Variants in ZNFX1 observed in about 807,000 individuals in gnomAD.
ZNFX1 encodes NFX1-type zinc finger-containing protein 1.
ZNFX1 carries 78 observed loss-of-function variants against 179.8 expected under a neutral mutation model. The observed-to-expected ratio is 0.43, with a 90% CI of 0.36 to 0.52. The LOEUF (loss-of-function observed/expected upper bound fraction) is 0.52. ZNFX1 is among the 20% of genes least tolerant of loss of function. ZNFX1 has a pLI of 0.00. For missense variants in ZNFX1, 1,927 were observed against 2,386.6 expected, an observed-to-expected ratio of 0.81 and a Z score of 4.01; for synonymous variants, 848 against 868.5, an observed-to-expected ratio of 0.98 and a Z score of 0.42.
At chr20:49,263,240 A>G in intron 6 of ZNFX1, 94 bp downstream of exon 6, 1 of 1,455,258 alleles carries the variant, frequency 6.9e-7, no homozygotes. Context: ...TCAGATTATC[A>G]AACAGGTAAA....
chr20:49,254,725 C>A, intron 9 of ZNFX1, 76 bp from the exon 10 acceptor site: 2 of 1,518,494 alleles, frequency 1.3e-6, no homozygotes, highest in Non-Finnish European at 1.8e-6. Flanking sequence ...TCAGTGTGCC[C>A]AGTGTATGAA....
intron 8 of ZNFX1, among the ~76,000 whole-genome samples, chr20:49,256,372 T>C (rs191133319): frequency 1.8e-4 from 28 of 152,302 alleles, no homozygotes; most frequent in Admixed American, 3.9e-4. Flanking sequence ...ATGCATGCCA[T>C]GAAAGTCATG....
chr20:49,247,789 G>A lies in ZNFX1; in HGVS notation c.5235C>T (p.Arg1745=), dbSNP rs1451990900. 6.2e-7 allele frequency: 1 copy of A among 1,614,098 alleles called. No individual in the cohort carries two copies. The highest frequency in any genetic ancestry group is 8.5e-7 in the Non-Finnish European group (1 of 1,179,986). ...EQVHEWLAKK[R]LSFTSQELSD... ...TTAGTTCCTGGCTAGTGAAGCTCAA[G>A]CGCTTCTTGGCCAGCCACTCATGGA... The change falls in exon 14 of 14, where the codon CGC becomes CGT. Residue 1745 remains arginine (R), a synonymous_variant. Transcript: ENST00000396105.
chr20:49,272,201 G>A (rs1389183946), intron 2 of ZNFX1, among the ~76,000 whole-genome samples: 10 of 122,762 alleles, frequency 8.1e-5, no homozygotes, highest in Non-Finnish European at 1.8e-4. Context: ...TTTTTGAGAT[G>A]GAATCTTGCT....
At chr20:49,264,618 G>A in intron 5 of ZNFX1, 98 bp downstream of exon 5, 1 of 1,463,280 alleles carries the variant, frequency 6.8e-7, no homozygotes, top group African/African-American at 1.4e-5. Context: ...GCTTTGAGGA[G>A]CCTCCAAATC....
rs1254589714 is a variant in ZNFX1, at chr20:49,247,329, C to G, written c.5695G>C (p.Ala1899Pro). 3.1e-6 allele frequency: 5 copies of G among 1,613,988 alleles called. No individual in the cohort carries two copies. The highest frequency in any genetic ancestry group is 3.4e-6 in the Non-Finnish European group (4 of 1,179,978). Reference protein sequence around the residue: ...LASEMDGAQHAAWSDTANNLM... With the variant: ...LASEMDGAQHPAWSDTANNLM... ...TTGTTGGCCGTGTCAGACCAGGCAGCATGCTGGGCTCCATCCATTTCAGAA... is the reference window on the plus strand; with the variant it reads ...TTGTTGGCCGTGTCAGACCAGGCAGGATGCTGGGCTCCATCCATTTCAGAA... The change falls in exon 14 of 14, where the codon GCT (alanine) becomes CCT (proline). Residue 1899 changes from alanine to proline, a missense_variant. Physicochemically the swap from Ala to Pro is conservative, Grantham distance 27. Coordinates refer to ENST00000396105, the MANE Select transcript of ZNFX1 (RefSeq NM_021035.3).
intron 2 of ZNFX1, among the ~76,000 whole-genome samples, chr20:49,272,598 A>C (rs1381981920): frequency 1.3e-5 from 2 of 152,206 alleles, no homozygotes; most frequent in African/African-American, 4.8e-5. Context: ...TATCCTATTG[A>C]TTCTAAGGGG....
intron 11 of ZNFX1, 105 bp downstream of exon 11, chr20:49,253,561 G>A: frequency 7.3e-7 from 1 of 1,362,040 alleles, no homozygotes; most frequent in Non-Finnish European, 1.0e-6. Context: ...ATCACAAGAA[G>A]CTACTAATAA....
rs770551094 is a variant in ZNFX1 at position 49,248,783 on chromosome 20, A to G, written c.4241T>C (p.Val1414Ala). ...GAGGCCTTCCACATGACCACATTTT[A>G]CCGGTTGACTGTGCCCACACTTGAG... ...IKLKCGHSQPVKCGHVEGLLY... is the reference protein window; with the variant it reads ...IKLKCGHSQPAKCGHVEGLLY... Residue 1414 changes from valine to alanine, a missense_variant, in exon 14 of 14, where the codon GTA becomes GCA. Transcript: ENST00000396105. The surrounding 1 kb of genome is among the most constrained non-coding windows in gnomAD (Gnocchi z 4.6). 3.7e-6 allele frequency: 6 copies of G among 1,614,156 alleles called. No homozygotes were observed. Among genetic ancestry groups the G allele is most frequent in the Admixed American group, 1.7e-5 (1 of 60,020 alleles).
intron 6 of ZNFX1, among the ~76,000 whole-genome samples, 186 bp from the exon 7 acceptor site, chr20:49,260,763 G>A (rs1404037587): frequency 6.6e-6 from 1 of 152,112 alleles, no homozygotes; most frequent in Non-Finnish European, 1.5e-5. Flanking sequence ...GCAATACGGT[G>A]AGACCCTATG....
At chr20:49,254,975 ATTTAT>A (rs1199230266) in intron 9 of ZNFX1, among the ~76,000 whole-genome samples, 2 of 151,422 alleles carry the variant, frequency 1.3e-5, no homozygotes, top group East Asian at 3.9e-4. Flanking sequence ...TCCATAGAGT[ATTTAT>A]TTTATTAGTA....
At chr20:49,268,669 G>A (rs979879821) in intron 3 of ZNFX1, among the ~76,000 whole-genome samples, 4 of 152,106 alleles carry the variant, frequency 2.6e-5, no homozygotes, top group African/African-American at 9.7e-5. Flanking sequence ...ATTAAAAAAT[G>A]AGCAAAGGAC....
chr20:49,266,912 T>TGG (rs1047159667), intron 3 of ZNFX1, among the ~76,000 whole-genome samples: 2 of 152,118 alleles, frequency 1.3e-5, no homozygotes, highest in Admixed American at 6.6e-5. Context: ...CTCTTTTTGT[T>TGG]TGAGATGGAG....
intron 8 of ZNFX1, 117 bp downstream of exon 8, chr20:49,257,300 G>A (rs1489003489): frequency 2.1e-6 from 3 of 1,402,830 alleles, no homozygotes; most frequent in Non-Finnish European, 2.9e-6. Context: ...GGGGTAGGCT[G>A]TAATACAGGT....
chr20:49,270,587 G>A lies in ZNFX1; in HGVS notation c.1225C>T (p.Arg409Ter). 10 of 1,614,134 alleles carry A rather than the reference G, an allele frequency of 6.2e-6. No homozygotes were observed. The highest frequency in any genetic ancestry group is 8.5e-6 in the Non-Finnish European group (10 of 1,180,030). Residue 409 changes from arginine (R) to a stop codon, truncating the protein, a stop_gained, in exon 3 of 14, where the codon CGA (arginine) becomes TGA (stop). Transcript: ENST00000396105. LOFTEE classifies it high-confidence loss of function. The surrounding 1 kb of genome is among the most constrained non-coding windows in gnomAD (Gnocchi z 4.6). ...GLRKRKFDDI[R>*]IYFDTRIITP... ...ATAATCCTGGTGTCAAAGTAGATTC[G>A]GATGTCATCAAACTTTCTCTTCCTC...
At position 49,247,062 on chromosome 20, in the gene ZNFX1, T is replaced by C. The variant is rs760778093; in HGVS notation, c.*205A>G. 4 of 604,534 alleles carry C rather than the reference T, an allele frequency of 6.6e-6. No homozygotes were observed. The highest frequency in any genetic ancestry group is 1.1e-5 in the Non-Finnish European group (4 of 354,866). The allele number at this position is 604,534 out of a possible 1,614,324, so 37.4% of individuals were successfully genotyped here. A position where few individuals can be genotyped will look rare whatever the true frequency, so the allele number is the denominator to read the frequency against. ...TTTTGTATTTTTAGTAGAGACGGGG[T>C]TTCGCCATGTTGGTCAGGCTGGTCT... On this transcript the variant is annotated 3_prime_UTR_variant, in exon 14 of 14. Coordinates refer to ENST00000396105, the MANE Select transcript of ZNFX1 (RefSeq NM_021035.3).
At chr20:49,259,307 A>C (rs1665776159) in intron 7 of ZNFX1, among the ~76,000 whole-genome samples, 1 of 152,084 alleles carries the variant, frequency 6.6e-6, no homozygotes, top group Non-Finnish European at 1.5e-5. Flanking sequence ...TTTTTTGAAG[A>C]CCTTTGTTAG....
rs1434908028 is a variant in ZNFX1, at chr20:49,271,365, T to G, written c.447A>C (p.Leu149Phe). Residue 149 changes from leucine to phenylalanine, a missense_variant, in exon 3 of 14, where the codon TTA (leucine) becomes TTC (phenylalanine). Transcript: ENST00000396105. ...QQAKKLGYKF[L>F]ESLLQKDPSE... ...AAGGGTCTTTCTGCAGAAGACTTTC[T>G]AAGAACTTGTAGCCCAGTTTCTTCG... 6.2e-7 allele frequency: 1 copy of G among 1,614,146 alleles called. No individual in the cohort carries two copies. The highest frequency in any genetic ancestry group is 8.5e-7 in the Non-Finnish European group (1 of 1,180,010).
intron 6 of ZNFX1, 87 bp from the exon 7 acceptor site, chr20:49,260,664 G>T: frequency 1.1e-6 from 1 of 945,130 alleles, no homozygotes. Context: ...AAGCAGATTG[G>T]GGCATGGTAG....
Sources: gnomAD v4.1 joint callset for allele counts (sites outside exome capture counted in the v4.1 genomes callset) on GRCh38, gnomAD v4.1.1 for gene constraint, Gnocchi (gnomAD v3.1) non-coding constraint, MANE v1.5 for transcripts, NCBI Gene and HGNC (gene_info 2026-07-23, HGNC 2026-07-21) for gene names.